Variants in LSAMP observed in about 807,000 individuals in gnomAD.
The protein encoded by LSAMP is limbic system-associated membrane protein.
A neutral mutation model predicts 38.6 loss-of-function variants in LSAMP; 7 were observed. The ratio of observed to expected loss-of-function variants is 0.18; its 90% CI spans 0.10 to 0.34. LSAMP has a LOEUF of 0.34. Among genes scored for constraint, LSAMP ranks in the 10% least tolerant of loss-of-function variants. The pLI is 1.00. For missense variants in LSAMP, 313 were observed against 420.0 expected (o/e 0.75, Z 2.23); for synonymous variants, 154 against 166.8 (o/e 0.92, Z 0.59).
At chr3:115,918,347 A>G (rs1937300468) in intron 3 of LSAMP, among the ~76,000 whole-genome samples, 1 of 152,238 alleles carries the variant, frequency 6.6e-6, no homozygotes, top group Admixed American at 6.5e-5. Flanking sequence ...CTGAGAAATG[A>G]ATGATGTTAT....
chr3:116,015,252 C>T (rs1940443070), intron 3 of LSAMP, among the ~76,000 whole-genome samples: 1 of 152,124 alleles, frequency 6.6e-6, no homozygotes, highest in East Asian at 1.9e-4. Flanking sequence ...TTGTGTAAAC[C>T]TTTGCAGAAA....
chr3:115,968,562 C>A (rs888223855), intron 3 of LSAMP, among the ~76,000 whole-genome samples: 2 of 152,108 alleles, frequency 1.3e-5, no homozygotes, highest in Non-Finnish European at 2.9e-5. Context: ...TGAGCTGATA[C>A]CCAAGTTGCA....
chr3:116,370,288 G>A (rs879567245), intron 1 of LSAMP, among the ~76,000 whole-genome samples: 5 of 152,128 alleles, frequency 3.3e-5, no homozygotes, highest in Non-Finnish European at 7.4e-5. Context: ...AATTCAACAA[G>A]AACAAGAATT....
At chr3:116,296,054 G>C (rs777214807) in intron 1 of LSAMP, among the ~76,000 whole-genome samples, 1 of 152,078 alleles carries the variant, frequency 6.6e-6, no homozygotes. Context: ...ATATGAATAC[G>C]GTCACCATAA....
chr3:116,085,089 T>C (rs1707958403), intron 2 of LSAMP, among the ~76,000 whole-genome samples: 1 of 152,194 alleles, frequency 6.6e-6, no homozygotes, highest in Non-Finnish European at 1.5e-5. Flanking sequence ...CTAAGATCCA[T>C]ACCCTGGTGT....
At chr3:116,102,767 T>TTATC (rs35080251) in intron 1 of LSAMP, among the ~76,000 whole-genome samples, 24,670 of 151,112 alleles carry the variant, frequency 0.16, 2,078 homozygotes, top group Non-Finnish European at 0.18. Context: ...TTTTAAAATT[T>TTATC]TATCTATCTA....
chr3:116,283,432 A>G (rs759305161), intron 1 of LSAMP, among the ~76,000 whole-genome samples: 15 of 152,154 alleles, frequency 9.9e-5, no homozygotes, highest in Non-Finnish European at 1.8e-4. Context: ...TTAGCATGAG[A>G]TAGAGGAAAA....
intron 6 of LSAMP, among the ~76,000 whole-genome samples, chr3:115,841,244 T>C (rs76277026): frequency 0.012 from 1,798 of 152,240 alleles, 33 homozygotes; most frequent in African/African-American, 0.042. Flanking sequence ...TCCATCTCTG[T>C]TCCAAAAATA....
At chr3:115,978,646 C>A in intron 3 of LSAMP, among the ~76,000 whole-genome samples, 2 of 150,764 alleles carry the variant, frequency 1.3e-5, no homozygotes, top group South Asian at 2.1e-4. Context: ...AGGTAACAAA[C>A]AGATCCCATC....
chr3:115,842,450 G>T lies in LSAMP; in HGVS notation c.770+8C>A, dbSNP rs1935027387. The T allele has an allele frequency of 6.2e-7, 1 of 1,613,092 alleles. No homozygotes were observed. The highest frequency in any genetic ancestry group is 8.5e-7 in the Non-Finnish European group (1 of 1,179,444). Reference sequence around the variant, plus strand: ...GGAGTCATGGGGGATGGTAGGTTTGGCACATACCTAGTGTCATCCCGGTAC... The same window carrying T: ...GGAGTCATGGGGGATGGTAGGTTTGTCACATACCTAGTGTCATCCCGGTAC... On this transcript the variant is annotated splice_region_variant and intron_variant, in intron 5 of 6. Coordinates refer to ENST00000490035, the MANE Select transcript of LSAMP (RefSeq NM_002338.5).
At chr3:116,298,603 A>G (rs1463373750) in intron 1 of LSAMP, among the ~76,000 whole-genome samples, 1 of 152,220 alleles carries the variant, frequency 6.6e-6, no homozygotes, top group Admixed American at 6.5e-5. Context: ...AATCTGTGAC[A>G]TAGGGAGAAA....
chr3:116,331,552 T>C (rs2047851764), intron 1 of LSAMP, among the ~76,000 whole-genome samples: 1 of 152,112 alleles, frequency 6.6e-6, no homozygotes, highest in African/African-American at 2.4e-5. Flanking sequence ...CAGATTCACA[T>C]CAGAAACTTG....
intron 6 of LSAMP, among the ~76,000 whole-genome samples, chr3:115,835,487 G>A (rs1476553372): frequency 6.6e-6 from 1 of 152,118 alleles, no homozygotes; most frequent in Non-Finnish European, 1.5e-5. Context: ...AGTAGGGATA[G>A]GATGTATTAT....
chr3:116,405,671 GA>G lies in LSAMP; in HGVS notation c.155+39205del, dbSNP rs200875366. The stretch of plus-strand genomic sequence containing the variant: ...AAGGAAAGAAAAATAAGAAAGAGGA[GA>G]AAAGTTTTTAATGAGTCTCATGAAT... On this transcript the variant is annotated intron_variant, in intron 1 of 6. Coordinates refer to ENST00000490035, the MANE Select transcript of LSAMP (RefSeq NM_002338.5). Among the ~76,000 whole-genome samples the G allele has an allele frequency of 3.6e-3, 555 of 152,206 alleles. 1 individual carries two copies. Among genetic ancestry groups the G allele is most frequent in the East Asian group, 0.026 (135 of 5,178 alleles).
At chr3:115,930,762 G>T (rs1937568421) in intron 3 of LSAMP, among the ~76,000 whole-genome samples, 1 of 147,084 alleles carries the variant, frequency 6.8e-6, no homozygotes, top group Admixed American at 6.6e-5. Context: ...GAGATGAGAG[G>T]AGATTAACAG....
chr3:115,854,585 G>A (rs1038525678), intron 3 of LSAMP, among the ~76,000 whole-genome samples: 1 of 152,062 alleles, frequency 6.6e-6, no homozygotes, highest in African/African-American at 2.4e-5. Flanking sequence ...TTTAAAGCAA[G>A]TACTTAGATC....
At chr3:115,930,348 C>T (rs1937562090) in intron 3 of LSAMP, among the ~76,000 whole-genome samples, 1 of 152,028 alleles carries the variant, frequency 6.6e-6, no homozygotes, top group Non-Finnish European at 1.5e-5. Flanking sequence ...GGGTTAGGTA[C>T]TTTCACTTTT....
At chr3:116,217,687 G>A (rs1163403515) in intron 1 of LSAMP, among the ~76,000 whole-genome samples, 1 of 152,206 alleles carries the variant, frequency 6.6e-6, no homozygotes, top group African/African-American at 2.4e-5. Flanking sequence ...AGGTTCTATG[G>A]AGATATTAGT....
At chr3:116,371,412 A>G (rs1395056265) in intron 1 of LSAMP, among the ~76,000 whole-genome samples, 2 of 152,170 alleles carry the variant, frequency 1.3e-5, no homozygotes, top group African/African-American at 4.8e-5. Context: ...TCAATGTAAT[A>G]TACACATTAA....
Sources: gnomAD v4.1 joint callset for allele counts (sites outside exome capture counted in the v4.1 genomes callset) on GRCh38, gnomAD v4.1.1 for gene constraint, MANE v1.5 for transcripts, NCBI Gene and HGNC (gene_info 2026-07-23, HGNC 2026-07-21) for gene names.